SIDT1: variants seen among roughly 807,000 people sequenced by gnomAD.
SIDT1 encodes SID1 transmembrane family, member 1.
SIDT1 carries 101 observed loss-of-function variants against 107.5 expected under a neutral mutation model. That is an observed-to-expected ratio of 0.94 (90% CI 0.80 to 1.11). The LOEUF (loss-of-function observed/expected upper bound fraction) is 1.11. SIDT1 is among the 50% of genes least tolerant of loss of function. SIDT1 has a pLI of 0.00. For missense variants in SIDT1, 1,076 were observed against 1,058.2 expected (o/e 1.02, Z -0.23); for synonymous variants, 395 against 398.2 (o/e 0.99, Z 0.10).
chr3:113,578,213 C>T (rs1023940179), intron 4 of SIDT1, among the ~76,000 whole-genome samples: 4 of 152,218 alleles, frequency 2.6e-5, no homozygotes, highest in African/African-American at 7.2e-5. Flanking sequence ...CGCCTATAAT[C>T]CCAGCACTTT....
intron 3 of SIDT1, among the ~76,000 whole-genome samples, chr3:113,571,634 T>C (rs760402091): frequency 3.9e-5 from 6 of 152,128 alleles, no homozygotes; most frequent in Non-Finnish European, 8.8e-5. Flanking sequence ...GATCATGGCA[T>C]AGGAGGATCT....
rs373956335 is a variant in SIDT1 at position 113,627,693 on chromosome 3, G to C, written c.2469G>C (p.Gln823His). 1 of 1,613,722 alleles carries C rather than the reference G, an allele frequency of 6.2e-7. No homozygotes were observed. The highest frequency in any genetic ancestry group is 8.5e-7 in the Non-Finnish European group (1 of 1,180,000). The change falls in exon 25 of 25, where the codon CAG (glutamine) becomes CAC (histidine). Residue 823 changes from glutamine (Q) to histidine (H), a missense_variant. Coordinates refer to ENST00000264852, the MANE Select transcript of SIDT1 (RefSeq NM_017699.3). ...ACCTTGATGTGGTTCGGAGAGACCA[G>C]ATCCCTGTCTTCTGAACCTCCAACA... ...DDDLDVVRRD[Q>H]IPVF
chr3:113,559,437 T>A (rs1941212098), intron 1 of SIDT1, among the ~76,000 whole-genome samples: 1 of 67,096 alleles, frequency 1.5e-5, no homozygotes, highest in Non-Finnish European at 2.9e-5. Context: ...TTTTATTTAT[T>A]TTTTTTTTTT....
At chr3:113,616,383 A>G (rs1430084862) in intron 20 of SIDT1, among the ~76,000 whole-genome samples, 4 of 152,218 alleles carry the variant, frequency 2.6e-5, no homozygotes, top group Admixed American at 1.3e-4. Context: ...TTTTATAAAC[A>G]AAATATTTGC....
Position 113,616,194 on chromosome 3 carries a change from T to C in SIDT1, c.2043+18T>C. 6.3e-7 allele frequency: 1 copy of C among 1,584,598 alleles called. No individual in the cohort carries two copies. Among genetic ancestry groups the C allele is most frequent in the Non-Finnish European group, 8.7e-7 (1 of 1,153,150 alleles). Reference sequence around the variant, plus strand: ...TATATATGGTATGTGCATGTTCCTGTGTTCTTTGGCCCTGTCCCAGAAAGC... The same window carrying C: ...TATATATGGTATGTGCATGTTCCTGCGTTCTTTGGCCCTGTCCCAGAAAGC... On this transcript the variant is annotated intron_variant, in intron 20 of 24. Coordinates refer to ENST00000264852, the MANE Select transcript of SIDT1 (RefSeq NM_017699.3).
In SIDT1 at chr3:113,627,681, T is replaced by C. The variant is rs1373907438; in HGVS notation, c.2457T>C (p.Val819=). 2.5e-6 allele frequency: 4 copies of C among 1,613,780 alleles called. No homozygotes were observed. In the South Asian group the frequency reaches 3.3e-5, roughly 13 times the overall value. ...CTTTGGATGATGACCTTGATGTGGT[T>C]CGGAGAGACCAGATCCCTGTCTTCT... ...LLTLDDDLDV[V]RRDQIPVF Residue 819 remains valine (V), a synonymous_variant, in exon 25 of 25, where the codon GTT becomes GTC. Transcript: ENST00000264852.
intron 1 of SIDT1, among the ~76,000 whole-genome samples, 179 bp downstream of exon 1, chr3:113,533,422 GAC>G (rs1419554007): frequency 6.6e-6 from 1 of 152,206 alleles, no homozygotes; most frequent in Non-Finnish European, 1.5e-5. Flanking sequence ...ACGCCTCGGG[GAC>G]AACTCTGCTT....
In SIDT1 at chr3:113,533,038, G is replaced by C; in HGVS notation, c.17G>C (p.Arg6Pro). 5 of 1,381,450 alleles carry C rather than the reference G, an allele frequency of 3.6e-6. No homozygotes were observed. Among genetic ancestry groups the C allele is most frequent in the South Asian group, 1.8e-5 (1 of 56,528 alleles). 85.6% of individuals were successfully genotyped at this position (1,381,450 alleles called of 1,614,324 possible). A position where few individuals can be genotyped will look rare whatever the true frequency, so the allele number is the denominator to read the frequency against. ...GTGCCCACCATGCGCGGCTGCCTGC[G>C]GCTCGCGCTGCTCTGCGCGCTGCCC... MRGCL[R>P]LALLCALPWL... Residue 6 changes from arginine (R) to proline (P), a missense_variant, in exon 1 of 25, where the codon CGG becomes CCG. Arg to Pro is a moderately radical substitution (Grantham distance 103, BLOSUM62 -2). Transcript: ENST00000264852.
intron 1 of SIDT1, among the ~76,000 whole-genome samples, chr3:113,554,552 A>T (rs1193015283): frequency 6.6e-6 from 1 of 152,160 alleles, no homozygotes; most frequent in Non-Finnish European, 1.5e-5. Flanking sequence ...ACCATGCAAG[A>T]CGTGCCTTTG....
At chr3:113,625,197 C>T (rs1475659718) in intron 23 of SIDT1, among the ~76,000 whole-genome samples, 2 of 151,870 alleles carry the variant, frequency 1.3e-5, no homozygotes, top group Admixed American at 6.6e-5. Context: ...AGTGCAATGG[C>T]GCAATCTCGG....
chr3:113,597,706 A>C (rs963530130), intron 10 of SIDT1, among the ~76,000 whole-genome samples: 3 of 152,186 alleles, frequency 2.0e-5, no homozygotes, highest in African/African-American at 7.2e-5. Flanking sequence ...GCGTGCAAGC[A>C]TATCCTGTTC....
At chr3:113,539,133 C>T (rs898185520) in intron 1 of SIDT1, among the ~76,000 whole-genome samples, 8 of 152,046 alleles carry the variant, frequency 5.3e-5, no homozygotes, top group Non-Finnish European at 1.2e-4. Context: ...TATTTCTTTA[C>T]CTTTACCAAT....
chr3:113,583,952 T>A (rs1943554386), intron 7 of SIDT1, among the ~76,000 whole-genome samples: 1 of 152,156 alleles, frequency 6.6e-6, no homozygotes, highest in South Asian at 2.1e-4. Context: ...GCCAAAATTA[T>A]ACCTTGAAAA....
intron 1 of SIDT1, among the ~76,000 whole-genome samples, chr3:113,565,694 G>A (rs928119407): frequency 7.2e-5 from 11 of 152,174 alleles, no homozygotes; most frequent in Non-Finnish European, 1.6e-4. Context: ...AGCATTTTGT[G>A]TCAAGGATTG....
At chr3:113,585,717 A>G (rs577187867) in intron 9 of SIDT1, among the ~76,000 whole-genome samples, 1 of 152,364 alleles carries the variant, frequency 6.6e-6, no homozygotes, top group East Asian at 1.9e-4. Context: ...AACAAAGAGC[A>G]GGAGTAATGT....
rs565634374 is a variant in SIDT1, at chr3:113,572,109, T to G, written c.515+4399T>G. Among the ~76,000 whole-genome samples, 125 of 152,238 alleles carry G rather than the reference T, an allele frequency of 8.2e-4. 2 individuals are homozygous for G. The highest frequency in any genetic ancestry group is 2.5e-4 in the Non-Finnish European group (17 of 68,008). On this transcript the variant is annotated intron_variant, in intron 3 of 24. Coordinates refer to ENST00000264852, the MANE Select transcript of SIDT1 (RefSeq NM_017699.3). ...AGAGGTGAAATTGCTGAAATTTTAT[T>G]AGATATGAGGGGAAAAAGAAAAGAG...
In SIDT1 at chr3:113,607,081, A is replaced by T; in HGVS notation, c.1445A>T (p.Asn482Ile). ...VTGNQDICYY[N>I]FLCAHPLGVL... ...GGCAACCAGGACATCTGTTACTACAACTTCCTCTGTGCTCACCCCTTGGGC... is the reference window on the plus strand; with the variant it reads ...GGCAACCAGGACATCTGTTACTACATCTTCCTCTGTGCTCACCCCTTGGGC... Residue 482 changes from asparagine (N) to isoleucine (I), a missense_variant, in exon 15 of 25, where the codon AAC (asparagine) becomes ATC (isoleucine). Physicochemically the swap from Asn to Ile is moderately radical, Grantham distance 149. Transcript: ENST00000264852. The T allele has an allele frequency of 3.7e-6, 6 of 1,613,514 alleles. No homozygotes were observed. The South Asian group carries it at 5.5e-5, about 15-fold the overall frequency.
intron 10 of SIDT1, among the ~76,000 whole-genome samples, chr3:113,600,011 T>C (rs1160404614): frequency 6.6e-6 from 1 of 152,120 alleles, no homozygotes; most frequent in East Asian, 1.9e-4. Flanking sequence ...ATATATACAA[T>C]TAAAAATCAT....
chr3:113,548,048 C>T (rs1939794620), intron 1 of SIDT1, among the ~76,000 whole-genome samples: 1 of 151,972 alleles, frequency 6.6e-6, no homozygotes, highest in Non-Finnish European at 1.5e-5. Flanking sequence ...GAGTTGATAC[C>T]TTGGACCTTC....
Sources: allele counts gnomAD v4.1 joint callset (sites outside exome capture counted in the v4.1 genomes callset), GRCh38; gene constraint gnomAD v4.1.1; transcripts MANE v1.5; gene names NCBI Gene and HGNC (gene_info 2026-07-23, HGNC 2026-07-21).